Variants in FCHSD2 observed in about 807,000 individuals in gnomAD.
The protein encoded by FCHSD2 is FCH and double SH3 domains 2.
A neutral mutation model predicts 108.1 loss-of-function variants in FCHSD2; 38 were observed. The observed-to-expected ratio is 0.35, with a 90% confidence interval of 0.27 to 0.46. The LOEUF is 0.46. Among genes scored for constraint, FCHSD2 ranks in the 20% least tolerant of loss-of-function variants. The pLI, the probability that FCHSD2 is intolerant of heterozygous loss-of-function variation, is 1.00. For synonymous variants in FCHSD2, 279 were observed against 314.7 expected (o/e 0.89, Z 1.20); for missense variants, 751 against 897.8 (o/e 0.84, Z 2.09).
chr11:72,848,371 A>C (rs1861201392), intron 14 of FCHSD2, among the ~76,000 whole-genome samples: 1 of 152,196 alleles, frequency 6.6e-6, no homozygotes. Context: ...TTTGCTTAGA[A>C]GGCTCTTTCC....
chr11:73,001,131 G>A lies in FCHSD2; in HGVS notation c.246C>T (p.Ser82=), dbSNP rs1857617999. The A allele has an allele frequency of 6.2e-7, 1 of 1,612,688 alleles. No individual in the cohort carries two copies. Among genetic ancestry groups the A allele is most frequent in the Non-Finnish European group, 8.5e-7 (1 of 1,179,358 alleles). Residue 82 remains serine, a synonymous_variant, in exon 5 of 20, where the codon AGC becomes AGT. Coordinates refer to ENST00000409418, the MANE Select transcript of FCHSD2 (RefSeq NM_014824.3). ...GAAAAGATTTCCAAACGGGATACATGCTCCTAAATTCAAAGAGGGATAGAA... is the reference window on the plus strand; with the variant it reads ...GAAAAGATTTCCAAACGGGATACATACTCCTAAATTCAAAGAGGGATAGAA... ...VKADDRNDYR[S]MYPVWKSFLE...
chr11:72,927,663 C>T (rs1287320992), intron 8 of FCHSD2, among the ~76,000 whole-genome samples: 2 of 152,192 alleles, frequency 1.3e-5, no homozygotes, highest in East Asian at 3.8e-4. Context: ...TAACAACTTG[C>T]CACTGGCCTG....
chr11:73,076,445 G>A (rs965149741), intron 3 of FCHSD2, among the ~76,000 whole-genome samples: 1 of 152,260 alleles, frequency 6.6e-6, no homozygotes, highest in East Asian at 1.9e-4. Context: ...AGACAAGAAA[G>A]GAGACATACC....
At chr11:73,018,895 T>C (rs1197807513) in intron 3 of FCHSD2, among the ~76,000 whole-genome samples, 1 of 152,178 alleles carries the variant, frequency 6.6e-6, no homozygotes, top group African/African-American at 2.4e-5. Flanking sequence ...GTTTATTCCA[T>C]ACCTAGAAAG....
chr11:73,020,681 G>A (rs1401218063), intron 3 of FCHSD2, among the ~76,000 whole-genome samples: 3 of 151,580 alleles, frequency 2.0e-5, no homozygotes, highest in Non-Finnish European at 4.4e-5. Flanking sequence ...TAAAAAAACA[G>A]TATATTATTT....
chr11:73,116,879 CA>C (rs1383470414), intron 2 of FCHSD2, among the ~76,000 whole-genome samples: 1 of 152,074 alleles, frequency 6.6e-6, no homozygotes, highest in African/African-American at 2.4e-5. Context: ...GTTTCATGGT[CA>C]ATTCAAGTTC....
chr11:72,911,271 C>T (rs888594100), intron 9 of FCHSD2, among the ~76,000 whole-genome samples: 3 of 152,332 alleles, frequency 2.0e-5, no homozygotes, highest in South Asian at 4.1e-4. Context: ...ATGTTCTTGA[C>T]AACTTTGTCA....
chr11:72,868,018 T>C lies in FCHSD2; in HGVS notation c.1155A>G (p.Lys385=). 6.4e-7 allele frequency: 1 copy of C among 1,557,356 alleles called. No homozygotes were observed. The highest frequency in any genetic ancestry group is 1.2e-5 in the South Asian group (1 of 84,372). ...GGTCCAACCGGGCTTCAGCTTTCAA[T>C]TTAATTATCTAGAGAACCAAGAAAA... ...RENIRKAEII[K]LKAEARLDLL... Residue 385 remains lysine, a synonymous_variant, in exon 13 of 20, where the codon AAA becomes AAG. Transcript: ENST00000409418.
intron 2 of FCHSD2, among the ~76,000 whole-genome samples, chr11:73,090,042 T>G (rs1193921884): frequency 6.6e-6 from 1 of 152,098 alleles, no homozygotes; most frequent in Non-Finnish European, 1.5e-5. Context: ...TAAATATATC[T>G]ACAAATTTAG....
chr11:72,906,373 G>C (rs1855630688), intron 9 of FCHSD2, among the ~76,000 whole-genome samples: 1 of 152,052 alleles, frequency 6.6e-6, no homozygotes, highest in Admixed American at 6.5e-5. Flanking sequence ...CATTCAGTAG[G>C]GTGCCTGTTC....
chr11:72,962,800 C>T (rs1395154932), intron 8 of FCHSD2, among the ~76,000 whole-genome samples: 2 of 151,964 alleles, frequency 1.3e-5, no homozygotes, highest in East Asian at 3.9e-4. Context: ...AAAGGTCCCT[C>T]CTATTTTTTT....
chr11:72,858,997 T>C (rs1861501282), intron 13 of FCHSD2, among the ~76,000 whole-genome samples: 1 of 152,074 alleles, frequency 6.6e-6, no homozygotes, highest in Non-Finnish European at 1.5e-5. Context: ...GAAGAAAGTT[T>C]TTAGGTTATG....
intron 12 of FCHSD2, among the ~76,000 whole-genome samples, chr11:72,882,554 A>G (rs1444724254): frequency 6.6e-6 from 1 of 152,192 alleles, no homozygotes; most frequent in Non-Finnish European, 1.5e-5. Context: ...TTCTAAATAT[A>G]AAGAAATTAT....
chr11:72,920,275 G>A (rs1019554908), intron 9 of FCHSD2, among the ~76,000 whole-genome samples: 1 of 152,114 alleles, frequency 6.6e-6, no homozygotes, highest in Non-Finnish European at 1.5e-5. Flanking sequence ...AACAAAAACA[G>A]AGACAATTCT....
chr11:73,060,716 T>C (rs902900647), intron 3 of FCHSD2, among the ~76,000 whole-genome samples: 1 of 152,304 alleles, frequency 6.6e-6, no homozygotes, highest in Admixed American at 6.5e-5. Flanking sequence ...GAAAATAAGA[T>C]AACTATTTCC....
At chr11:73,042,666 A>G (rs1454511346) in intron 3 of FCHSD2, among the ~76,000 whole-genome samples, 1 of 152,162 alleles carries the variant, frequency 6.6e-6, no homozygotes, top group African/African-American at 2.4e-5. Flanking sequence ...CATGTTAACA[A>G]TGTTCATTCT....
At chr11:72,956,967 T>C (rs1379940198) in intron 8 of FCHSD2, among the ~76,000 whole-genome samples, 2 of 151,862 alleles carry the variant, frequency 1.3e-5, no homozygotes, top group Non-Finnish European at 2.9e-5. Flanking sequence ...GAGGTATTTC[T>C]GCCAAGAATG....
chr11:72,852,485 G>A (rs547199252), intron 13 of FCHSD2, among the ~76,000 whole-genome samples: 9 of 152,250 alleles, frequency 5.9e-5, no homozygotes, highest in African/African-American at 1.9e-4. Context: ...TGCCAAAATG[G>A]CGAAACCTTG....
At chr11:73,121,470 A>C (rs1166924879) in intron 2 of FCHSD2, among the ~76,000 whole-genome samples, 1 of 152,192 alleles carries the variant, frequency 6.6e-6, no homozygotes, top group African/African-American at 2.4e-5. Flanking sequence ...AAAAGTTGTG[A>C]TCTTAGACAA....
Sources: gnomAD v4.1 joint callset for allele counts (sites outside exome capture counted in the v4.1 genomes callset) on GRCh38, gnomAD v4.1.1 for gene constraint, MANE v1.5 for transcripts, NCBI Gene and HGNC (gene_info 2026-07-23, HGNC 2026-07-21) for gene names.